The following ZNF664 variants were observed in gnomAD, a reference collection of about 807,000 sequenced individuals.
ZNF664 encodes the protein zinc finger protein 664.
In ZNF664, 10 loss-of-function variants were observed where a neutral mutation model predicts 18.2. That is an observed-to-expected ratio of 0.55 (90% CI 0.34 to 0.93). The LOEUF is 0.93. Among genes scored for constraint, ZNF664 ranks in the 40% least tolerant of loss-of-function variants. The pLI, the probability that ZNF664 is intolerant of heterozygous loss-of-function variation, is 0.02. For missense variants in ZNF664, 193 were observed against 319.0 expected, an observed-to-expected ratio of 0.61 and a Z score of 3.01; for synonymous variants, 119 against 104.2, an observed-to-expected ratio of 1.14 and a Z score of -0.86.
chr12:124,009,774 C>T (rs1216956313), intron 3 of ZNF664, among the ~76,000 whole-genome samples: 1 of 152,218 alleles, frequency 6.6e-6, no homozygotes, highest in African/African-American at 2.4e-5. Context: ...CCTCGGCCTC[C>T]TGGCATGCTG....
intron 2 of ZNF664, among the ~76,000 whole-genome samples, chr12:123,981,501 G>A (rs547799588): frequency 1.3e-5 from 2 of 152,310 alleles, no homozygotes; most frequent in African/African-American, 4.8e-5. Context: ...GATGCCCTGT[G>A]CCGGCTCAGG....
intron 3 of ZNF664, 77 bp from the exon 4 acceptor site, chr12:124,011,304 T>G (rs969693047): frequency 6.2e-6 from 6 of 966,700 alleles, no homozygotes; most frequent in Non-Finnish European, 6.1e-6. Flanking sequence ...CTCAGATAAT[T>G]ACAATGAGTT....
intron 3 of ZNF664, among the ~76,000 whole-genome samples, chr12:123,995,096 G>T (rs1956932396): frequency 6.6e-6 from 1 of 152,208 alleles, no homozygotes; most frequent in Non-Finnish European, 1.5e-5. Context: ...ACAGGAAGCT[G>T]GTGCTCAGAC....
intron 3 of ZNF664, among the ~76,000 whole-genome samples, chr12:123,999,344 G>T (rs747922364): frequency 2.0e-5 from 3 of 152,096 alleles, no homozygotes; most frequent in Non-Finnish European, 4.4e-5. Context: ...TCTGGTTCTG[G>T]GTAGGAAATT....
intron 3 of ZNF664, among the ~76,000 whole-genome samples, chr12:123,992,650 G>A (rs1594556726): frequency 6.6e-6 from 1 of 152,206 alleles, no homozygotes; most frequent in East Asian, 1.9e-4. Context: ...CGTGTTTCCA[G>A]GATGCTGCAT....
At chr12:123,991,141 A>T (rs760028190) in intron 3 of ZNF664, among the ~76,000 whole-genome samples, 1 of 152,194 alleles carries the variant, frequency 6.6e-6, no homozygotes, top group South Asian at 2.1e-4. Flanking sequence ...TGTATGTTAC[A>T]CATTTACTAG....
Position 123,993,554 on chromosome 12 carries a change from T to C in ZNF664, c.-661+5416T>C, listed in dbSNP as rs190474080. On this transcript the variant is annotated intron_variant, in intron 3 of 4. Transcript: ENST00000337815. Reference sequence around the variant, plus strand: ...TTTAGACTACACTTTTCTAAAGGTGTAGTAGAGACTAGTGAGGAGGTAGAT... The same window carrying C: ...TTTAGACTACACTTTTCTAAAGGTGCAGTAGAGACTAGTGAGGAGGTAGAT... 7.4e-4 allele frequency among the ~76,000 whole-genome samples: 112 copies of C among 152,324 alleles called. 1 individual carries two copies. Among genetic ancestry groups the C allele is most frequent in the African/African-American group, 2.5e-3 (102 of 41,578 alleles).
At chr12:123,976,904 C>A (rs1024755390) in intron 2 of ZNF664, among the ~76,000 whole-genome samples, 2 of 152,002 alleles carry the variant, frequency 1.3e-5, no homozygotes, top group Admixed American at 6.5e-5. Flanking sequence ...CACGGTGAAA[C>A]CCTGTCTCTA....
chr12:124,002,541 G>A (rs1957024965), intron 3 of ZNF664, among the ~76,000 whole-genome samples: 3 of 152,220 alleles, frequency 2.0e-5, no homozygotes, highest in Non-Finnish European at 2.9e-5. Flanking sequence ...GGAGGTGACC[G>A]TGGCCTGGAT....
chr12:124,004,333 G>C (rs1469006161), intron 3 of ZNF664, among the ~76,000 whole-genome samples: 1 of 152,186 alleles, frequency 6.6e-6, no homozygotes, highest in East Asian at 1.9e-4. Flanking sequence ...ATTGAAAGAG[G>C]ACTGGAGGTC....
At position 123,973,341 on chromosome 12, in the gene ZNF664, C is replaced by T. The variant is rs1054208927; in HGVS notation, c.-903C>T. The T allele has an allele frequency of 4.3e-6, 4 of 937,772 alleles. No individual in the cohort carries two copies. The African/African-American group carries it at 7.5e-5, about 18-fold the overall frequency. The allele number at this position is 937,772 out of a possible 1,614,324, so 58.1% of individuals were successfully genotyped here. A position where few individuals can be genotyped will look rare whatever the true frequency, so the allele number is the denominator to read the frequency against. The stretch of plus-strand genomic sequence containing the variant: ...CGCCCGCGGCCTGGGGCGCTGACTC[C>T]CCTCACTTGGAGTGAGTTCTCGGCG... On this transcript the variant is annotated 5_prime_UTR_variant, in exon 1 of 5. Transcript: ENST00000337815.
chr12:123,986,044 A>G (rs147694597), intron 2 of ZNF664, among the ~76,000 whole-genome samples: 50 of 151,946 alleles, frequency 3.3e-4, no homozygotes, highest in Non-Finnish European at 5.7e-4. Context: ...GACTGTGCCT[A>G]TATACCTAGA....
intron 3 of ZNF664, among the ~76,000 whole-genome samples, chr12:123,989,640 T>C (rs913297878): frequency 8.5e-5 from 13 of 152,192 alleles, no homozygotes; most frequent in Admixed American, 5.2e-4. Context: ...TTCAGTTCAG[T>C]CCTGTGTACA....
intron 2 of ZNF664, among the ~76,000 whole-genome samples, chr12:123,982,076 G>A (rs1438295493): frequency 6.6e-6 from 1 of 152,172 alleles, no homozygotes; most frequent in Non-Finnish European, 1.5e-5. Flanking sequence ...CAGTCATCCT[G>A]TTGTCAGAGT....
chr12:124,013,459 C>T lies in ZNF664; in HGVS notation c.*529C>T, dbSNP rs1261340234. 5.9e-6 allele frequency: 1 copy of T among 170,758 alleles called. No individual in the cohort carries two copies. The highest frequency in any genetic ancestry group is 1.4e-5 in the Non-Finnish European group (1 of 70,410). 10.6% of individuals were successfully genotyped at this position (170,758 alleles called of 1,614,324 possible). A position where few individuals can be genotyped will look rare whatever the true frequency, so the allele number is the denominator to read the frequency against. On this transcript the variant is annotated 3_prime_UTR_variant, in exon 5 of 5. Coordinates refer to ENST00000337815, the MANE Select transcript of ZNF664 (RefSeq NM_152437.3). ...TATCCTATTATTTCTGAATATATGT[C>T]CTCAAAATCCCCATAAATATCCATC... is the stretch of plus-strand genomic sequence containing the variant.
At chr12:123,997,937 G>GA (rs1400463959) in intron 3 of ZNF664, 1 of 152,120 alleles carries the variant, frequency 6.6e-6, no homozygotes, top group Non-Finnish European at 1.5e-5. Flanking sequence ...GTGTCTGAAG[G>GA]AAAAAATACG....
chr12:124,011,215 G>A (rs771834075), intron 3 of ZNF664, 166 bp from the exon 4 acceptor site: 1 of 838,292 alleles, frequency 1.2e-6, no homozygotes, highest in Non-Finnish European at 1.4e-6. Context: ...CCTTTTTACA[G>A]GACAGCTGGT....
At chr12:123,973,703 C>G in intron 1 of ZNF664, 183 bp from the exon 2 acceptor site, 4 of 1,081,104 alleles carry the variant, frequency 3.7e-6, no homozygotes, top group Non-Finnish European at 3.5e-6. Flanking sequence ...GACTCCCGAG[C>G]CAGGCTCCAT....
At chr12:123,982,478 A>G (rs568132197) in intron 2 of ZNF664, among the ~76,000 whole-genome samples, 2 of 152,226 alleles carry the variant, frequency 1.3e-5, no homozygotes, top group South Asian at 4.1e-4. Context: ...TTGGCAGTAA[A>G]TAACACGTGA....
Sources: gnomAD v4.1 joint callset for allele counts (sites outside exome capture counted in the v4.1 genomes callset) on GRCh38, gnomAD v4.1.1 for gene constraint, MANE v1.5 for transcripts, NCBI Gene and HGNC (gene_info 2026-07-23, HGNC 2026-07-21) for gene names.